Variants in SCAMP2 observed in about 807,000 individuals in gnomAD.
The protein encoded by SCAMP2 is secretory carrier-associated membrane protein 2.
Under a neutral mutation model 44.1 loss-of-function variants are expected in SCAMP2, and 25 were observed. The observed-to-expected ratio is 0.57, with a 90% CI of 0.41 to 0.79. SCAMP2 has a LOEUF of 0.79. Among genes scored for constraint, SCAMP2 ranks in the 30% least tolerant of loss-of-function variants. The pLI is 0.00. For synonymous variants in SCAMP2, 156 were observed against 166.0 expected (o/e 0.94, Z 0.46); for missense variants, 355 against 411.0 (o/e 0.86, Z 1.18).
intron 1 of SCAMP2, among the ~76,000 whole-genome samples, chr15:74,860,737 C>G (rs2141177999): frequency 6.7e-6 from 1 of 150,194 alleles, no homozygotes; most frequent in South Asian, 2.1e-4. Context: ...CCTGTAGTCC[C>G]AGCTACTTGG....
chr15:74,846,748 GA>G (rs1396796839), intron 7 of SCAMP2, among the ~76,000 whole-genome samples: 3 of 152,164 alleles, frequency 2.0e-5, no homozygotes, highest in African/African-American at 4.8e-5. Context: ...CTGGGCAACA[GA>G]GACTCCATCT....
intron 1 of SCAMP2, among the ~76,000 whole-genome samples, chr15:74,866,245 A>C (rs2064543490): frequency 6.6e-6 from 1 of 151,650 alleles, no homozygotes; most frequent in African/African-American, 2.4e-5. Context: ...CCAAACAAGC[A>C]TGTGAGTCAC....
rs2064455306 is a variant in SCAMP2, at chr15:74,854,474, T to G, written c.126+107A>C. ...ATGTTAGGACTGTCCCTTTGAGGAC[T>G]GCCGCTTCTCAGAGCTGCTTCTGTC... On this transcript the variant is annotated intron_variant, in intron 2 of 8. Transcript: ENST00000268099. 7 of 937,256 alleles carry G rather than the reference T, an allele frequency of 7.5e-6. No homozygotes were observed. In the Admixed American group the frequency reaches 1.4e-4, roughly 19 times the overall value. 58.1% of individuals were successfully genotyped at this position (937,256 alleles called of 1,614,324 possible).
At chr15:74,853,533 G>A (rs1390996577) in intron 3 of SCAMP2, 3 of 446,984 alleles carry the variant, frequency 6.7e-6, no homozygotes, top group Non-Finnish European at 1.4e-5. Context: ...CACGCTCATA[G>A]GGGCAGCGAG....
At chr15:74,855,281 T>G (rs1415130404) in intron 1 of SCAMP2, among the ~76,000 whole-genome samples, 1 of 151,912 alleles carries the variant, frequency 6.6e-6, no homozygotes, top group Non-Finnish European at 1.5e-5. Flanking sequence ...TTTTTGTATT[T>G]TTAGTAGAGA....
chr15:74,847,656 G>A (rs79990621), intron 7 of SCAMP2, among the ~76,000 whole-genome samples: 1,660 of 152,298 alleles, frequency 0.011, 32 homozygotes, highest in African/African-American at 0.038. Context: ...AAATAGCACC[G>A]CCCTTCCAGG....
chr15:74,848,504 G>T, intron 7 of SCAMP2, 96 bp downstream of exon 7: 1 of 757,084 alleles, frequency 1.3e-6, no homozygotes, highest in Non-Finnish European at 2.2e-6. Context: ...GGAAAAGCAG[G>T]GCACTGGCGG....
At chr15:74,867,694 T>G (rs928636571) in intron 1 of SCAMP2, among the ~76,000 whole-genome samples, 10 of 152,264 alleles carry the variant, frequency 6.6e-5, no homozygotes, top group Admixed American at 3.3e-4. Context: ...CTGCCACCAC[T>G]TCTTCCTTCC....
chr15:74,867,765 C>T (rs1401750899), intron 1 of SCAMP2, among the ~76,000 whole-genome samples: 1 of 152,244 alleles, frequency 6.6e-6, no homozygotes, highest in Admixed American at 6.5e-5. Flanking sequence ...TATCTTTTAA[C>T]TGCAAGGAGG....
At chr15:74,845,737 A>G in intron 7 of SCAMP2, 144 bp from the exon 8 acceptor site, 4 of 1,034,122 alleles carry the variant, frequency 3.9e-6, no homozygotes, top group Non-Finnish European at 5.7e-6. Context: ...GTGAGCCAGA[A>G]GCCCTTGGCC....
intron 5 of SCAMP2, 72 bp downstream of exon 5, chr15:74,851,281 C>T: frequency 6.4e-7 from 1 of 1,555,580 alleles, no homozygotes; most frequent in Non-Finnish European, 8.8e-7. Flanking sequence ...GGAGGAGCAG[C>T]CAGGACCAAG....
Position 74,851,364 on chromosome 15 carries a change from T to G in SCAMP2, c.461A>C (p.Tyr154Ser). The G allele has an allele frequency of 1.9e-6, 3 of 1,613,842 alleles. No individual in the cohort carries two copies. The highest frequency in any genetic ancestry group is 2.5e-6 in the Non-Finnish European group (3 of 1,179,890). The change falls in exon 5 of 9, where the codon TAT becomes TCT. Residue 154 changes from tyrosine to serine, a missense_variant. Tyr to Ser is a moderately radical substitution (Grantham distance 144, BLOSUM62 -2). Transcript: ENST00000268099. Reference protein sequence around the residue: ...DYQRICKMLYYLWMLHSVTLF... With the variant: ...DYQRICKMLYSLWMLHSVTLF... ...GGAGTGGGACTCACACATCCACAGA[T>G]AGTAGAGCATCTTGCATATCCGCTG...
chr15:74,845,314 G>A, intron 8 of SCAMP2, 97 bp from the exon 9 acceptor site: 1 of 1,581,016 alleles, frequency 6.3e-7, no homozygotes, highest in Non-Finnish European at 8.6e-7. Flanking sequence ...CCAGAAGCCT[G>A]GCACTGCCTG....
At chr15:74,867,771 G>T (rs1287786890) in intron 1 of SCAMP2, among the ~76,000 whole-genome samples, 1 of 152,228 alleles carries the variant, frequency 6.6e-6, no homozygotes, top group African/African-American at 2.4e-5. Context: ...TTAACTGCAA[G>T]GAGGCAATGT....
intron 5 of SCAMP2, among the ~76,000 whole-genome samples, chr15:74,850,959 T>C (rs1567249863): frequency 6.6e-6 from 1 of 152,164 alleles, no homozygotes; most frequent in African/African-American, 2.4e-5. Flanking sequence ...GAAGGAAGTC[T>C]TTCTCTTAGC....
Position 74,845,210 on chromosome 15 carries a change from G to C in SCAMP2, c.863C>G (p.Ser288Cys), listed in dbSNP as rs779638713. The C allele has an allele frequency of 6.2e-7, 1 of 1,612,892 alleles. No individual in the cohort carries two copies. The highest frequency in any genetic ancestry group is 1.1e-5 in the South Asian group (1 of 91,028). Reference sequence around the variant, plus strand: ...GCTGGCCCCTGTCCGTCGGTAGAGGGAGTGCACCTGGCGAAGAGGGGTGGG... The same window carrying C: ...GCTGGCCCCTGTCCGTCGGTAGAGGCAGTGCACCTGGCGAAGAGGGGTGGG... ...LSVFLLQRVHSLYRRTGASFQ... is the reference protein window; with the variant it reads ...LSVFLLQRVHCLYRRTGASFQ... Residue 288 changes from serine (S) to cysteine (C), a missense_variant, in exon 9 of 9, where the codon TCC becomes TGC. Physicochemically the swap from Ser to Cys is moderately radical, Grantham distance 112. Transcript: ENST00000268099.
At position 74,864,925 on chromosome 15, in the gene SCAMP2, A is replaced by G. The variant is rs1249266717; in HGVS notation, c.57+8274T>C. Among the ~76,000 whole-genome samples the G allele has an allele frequency of 9.8e-4, 134 of 136,318 alleles. No individual in the cohort carries two copies. The Middle Eastern group carries it at 0.015, about 15-fold the overall frequency. The allele number at this position is 136,318 out of a possible 152,430, so 89.4% of individuals were successfully genotyped here. On this transcript the variant is annotated intron_variant, in intron 1 of 8. Coordinates refer to ENST00000268099, the MANE Select transcript of SCAMP2 (RefSeq NM_005697.5). ...AACATGGTGAAACCCCATCTCTACTAAAAATACAAAAATTAGCCGGGCGTG... is the reference window on the plus strand; with the variant it reads ...AACATGGTGAAACCCCATCTCTACTGAAAATACAAAAATTAGCCGGGCGTG...
chr15:74,863,202 G>A (rs145775343), intron 1 of SCAMP2, among the ~76,000 whole-genome samples: 18 of 152,062 alleles, frequency 1.2e-4, no homozygotes, highest in African/African-American at 2.4e-4. Flanking sequence ...AAAATTAGCC[G>A]GGTGTGGTGG....
intron 1 of SCAMP2, among the ~76,000 whole-genome samples, chr15:74,861,869 C>A (rs886777255): frequency 1.4e-5 from 2 of 145,528 alleles, no homozygotes; most frequent in African/African-American, 2.6e-5. Context: ...CCACTGCACT[C>A]CAGCCTGGGC....
Sources: allele counts gnomAD v4.1 joint callset (sites outside exome capture counted in the v4.1 genomes callset), GRCh38; gene constraint gnomAD v4.1.1; transcripts MANE v1.5; gene names NCBI Gene and HGNC (gene_info 2026-07-23, HGNC 2026-07-21).